LRRC34: variants seen among roughly 807,000 people sequenced by gnomAD.
LRRC34 encodes leucine-rich repeat-containing protein 34.
In LRRC34, 44 loss-of-function variants were observed where a neutral mutation model predicts 48.5. The ratio of observed to expected loss-of-function variants is 0.91; its 90% CI spans 0.71 to 1.17. The LOEUF is 1.17. Ranked by LOEUF, LRRC34 falls within the 50% of genes most tolerant of loss-of-function variation. LRRC34 has a pLI of 0.00. For synonymous variants in LRRC34, 192 were observed against 197.6 expected (o/e 0.97, Z 0.24); for missense variants, 502 against 563.0 (o/e 0.89, Z 1.10).
chr3:169,808,651 T>G lies in LRRC34; in HGVS notation c.234A>C (p.Glu78Asp). 1.3e-6 allele frequency: 2 copies of G among 1,542,194 alleles called. No homozygotes were observed. The highest frequency in any genetic ancestry group is 4.5e-5 in the East Asian group (2 of 44,368). Reference protein sequence around the residue: ...INPFILHILQEVDEEIKKGLA... With the variant: ...INPFILHILQDVDEEIKKGLA... ...ACCCCTTTTTAATTTCTTCATCCACTTCTTGGAGTATATGCAATATAAAAG... is the reference window on the plus strand; with the variant it reads ...ACCCCTTTTTAATTTCTTCATCCACGTCTTGGAGTATATGCAATATAAAAG... Residue 78 changes from glutamate to aspartate, a missense_variant, in exon 2 of 11, where the codon GAA becomes GAC. By Grantham distance (45) the Glu-to-Asp change is conservative. Coordinates refer to ENST00000446859, the MANE Select transcript of LRRC34 (RefSeq NM_001172779.2).
intron 2 of LRRC34, 132 bp from the exon 3 acceptor site, chr3:169,807,841 A>T (rs1779436429): frequency 9.2e-7 from 1 of 1,083,172 alleles, no homozygotes; most frequent in African/African-American, 1.6e-5. Context: ...CAAGCATATA[A>T]TAAGTAGACT....
At chr3:169,804,946 C>G (rs1424532582) in intron 5 of LRRC34, among the ~76,000 whole-genome samples, 2 of 152,202 alleles carry the variant, frequency 1.3e-5, no homozygotes, top group Admixed American at 1.3e-4. Context: ...ATTAACCAGT[C>G]ACTCCCCATT....
At chr3:169,797,417 T>C (rs1172853967) in intron 7 of LRRC34, among the ~76,000 whole-genome samples, 1 of 152,162 alleles carries the variant, frequency 6.6e-6, no homozygotes, top group Admixed American at 6.5e-5. Flanking sequence ...TTTATATTCA[T>C]CTCAAATTCC....
rs772936806 is a variant in LRRC34, at chr3:169,808,591, A to C, written c.257+37T>G. The C allele has an allele frequency of 3.2e-5, 35 of 1,092,566 alleles. No individual in the cohort carries two copies. In the South Asian group the frequency reaches 4.8e-4, roughly 15 times the overall value. The allele number at this position is 1,092,566 out of a possible 1,614,324, so 67.7% of individuals were successfully genotyped here. ...ATTTTCACACACATGAATATAAGCA[A>C]ACACTATTAATGTAATCAAGTATTT... On this transcript the variant is annotated intron_variant, in intron 2 of 10. Transcript: ENST00000446859.
In LRRC34 at chr3:169,812,362, C is replaced by G; in HGVS notation, c.139+48G>C. On this transcript the variant is annotated intron_variant, in intron 1 of 10. Coordinates refer to ENST00000446859, the MANE Select transcript of LRRC34 (RefSeq NM_001172779.2). The surrounding 1 kb of genome is among the most constrained non-coding windows in gnomAD (Gnocchi z 4.3). ...TGCCGTGCGACCCCGGCGCCCCTCG[C>G]GCGTTTTGTCTGGGCCAGGCCGCGC... 1.3e-6 allele frequency: 2 copies of G among 1,489,722 alleles called. No homozygotes were observed. Among genetic ancestry groups the G allele is most frequent in the South Asian group, 1.3e-5 (1 of 79,256 alleles). The allele number at this position is 1,489,722 out of a possible 1,614,324, so 92.3% of individuals were successfully genotyped here. A position where few individuals can be genotyped will look rare whatever the true frequency, so the allele number is the denominator to read the frequency against.
chr3:169,807,816 A>T (rs566522250), intron 2 of LRRC34, 107 bp from the exon 3 acceptor site: 6 of 1,259,590 alleles, frequency 4.8e-6, no homozygotes, highest in Non-Finnish European at 6.4e-6. Context: ...TATCACAGAT[A>T]TCATTTACTG....
chr3:169,794,736 A>G (rs1287715822), intron 10 of LRRC34: 1 of 152,234 alleles, frequency 6.6e-6, no homozygotes. Context: ...AGTCATACAA[A>G]TACGTTGAAC....
Position 169,812,465 on chromosome 3 carries a change from CGG to C in LRRC34, c.82_83del (p.Pro28GlyfsTer31). ...REAARAPARS[P>X]AWASTQASTP... ...TACTGGCCTGAGTGGAGGCCCAAGC[CGG>C]GGACCTGGCCGGCGCACGGGCGGCC... On this transcript the variant is annotated frameshift_variant, in exon 1 of 11. Coordinates refer to ENST00000446859, the MANE Select transcript of LRRC34 (RefSeq NM_001172779.2). LOFTEE classifies it high-confidence loss of function. The surrounding 1 kb of genome is among the most constrained non-coding windows in gnomAD (Gnocchi z 4.3). 6.5e-7 allele frequency: 1 copy of C among 1,530,526 alleles called. No individual in the cohort carries two copies. Among genetic ancestry groups the C allele is most frequent in the East Asian group, 2.5e-5 (1 of 39,958 alleles). 94.8% of individuals were successfully genotyped at this position (1,530,526 alleles called of 1,614,324 possible). A position where few individuals can be genotyped will look rare whatever the true frequency, so the allele number is the denominator to read the frequency against.
intron 4 of LRRC34, 75 bp downstream of exon 4, chr3:169,807,351 G>A (rs1779413377): frequency 7.3e-7 from 1 of 1,361,886 alleles, no homozygotes. Flanking sequence ...TAAAACTAGT[G>A]TTTTATGTGT....
chr3:169,793,555 TAAAAG>T lies in LRRC34; in HGVS notation c.*75_*79del, dbSNP rs149165437. The T allele has an allele frequency of 0.011, 11,372 of 1,036,370 alleles. 248 individuals carry two copies. Among genetic ancestry groups the T allele is most frequent in the African/African-American group, 0.063 (3,897 of 61,494 alleles). 64.2% of individuals were successfully genotyped at this position (1,036,370 alleles called of 1,614,324 possible). On this transcript the variant is annotated 3_prime_UTR_variant, in exon 11 of 11. Transcript: ENST00000446859. ...GAAAAAAGTAACTTGTTTTAATTTA[TAAAAG>T]AAAATAGGCTATAGAATATTAATCT...
At position 169,793,344 on chromosome 3, in the gene LRRC34, G is replaced by A. The variant is rs557890325; in HGVS notation, c.*291C>T. On this transcript the variant is annotated 3_prime_UTR_variant, in exon 11 of 11. Coordinates refer to ENST00000446859, the MANE Select transcript of LRRC34 (RefSeq NM_001172779.2). ...TACCTACAATGACCTTTACTTGTAC[G>A]CTATTTCACTACTTGGTTATATTTT... The A allele has an allele frequency of 2.0e-4, 47 of 229,492 alleles. No individual in the cohort carries two copies. Among genetic ancestry groups the A allele is most frequent in the African/African-American group, 9.4e-4 (41 of 43,750 alleles). The allele number at this position is 229,492 out of a possible 1,614,324, so 14.2% of individuals were successfully genotyped here.
intron 7 of LRRC34, among the ~76,000 whole-genome samples, chr3:169,798,944 C>G (rs1283354913): frequency 6.6e-6 from 1 of 152,186 alleles, no homozygotes; most frequent in Non-Finnish European, 1.5e-5. Flanking sequence ...ATTTATTTGA[C>G]TTTAATACCT....
In LRRC34 at chr3:169,812,862, G is replaced by C; in HGVS notation, c.-314C>G. On this transcript the variant is annotated 5_prime_UTR_variant, in exon 1 of 11. Transcript: ENST00000446859. The surrounding 1 kb of genome is among the most constrained non-coding windows in gnomAD (Gnocchi z 4.3). ...CCTACAAAGTGTGCACCGGCCTGCC[G>C]GGCCAGCGAAGAAGCAGAGTAGCAT... The C allele has an allele frequency of 2.9e-6, 1 of 349,680 alleles. No homozygotes were observed. The highest frequency in any genetic ancestry group is 2.1e-5 in the African/African-American group (1 of 46,864). 21.7% of individuals were successfully genotyped at this position (349,680 alleles called of 1,614,324 possible).
At chr3:169,800,824 G>T in intron 6 of LRRC34, 70 bp from the exon 7 acceptor site, 1 of 982,398 alleles carries the variant, frequency 1.0e-6, no homozygotes, top group South Asian at 1.5e-5. Flanking sequence ...AATATTTCAA[G>T]ATCAGCTATC....
At chr3:169,802,475 G>T (rs1779228224) in intron 6 of LRRC34, among the ~76,000 whole-genome samples, 1 of 152,122 alleles carries the variant, frequency 6.6e-6, no homozygotes, top group Non-Finnish European at 1.5e-5. Context: ...CATTATCAGA[G>T]TACTCAGTCA....
chr3:169,811,195 T>C (rs1425784616), intron 1 of LRRC34, among the ~76,000 whole-genome samples: 1 of 152,220 alleles, frequency 6.6e-6, no homozygotes, highest in Non-Finnish European at 1.5e-5. Context: ...CCACTGGGCT[T>C]CTTTCTTCCC....
At chr3:169,799,950 T>A (rs956875642) in intron 7 of LRRC34, among the ~76,000 whole-genome samples, 1 of 152,094 alleles carries the variant, frequency 6.6e-6, no homozygotes, top group Admixed American at 6.6e-5. Flanking sequence ...TGACCTCAGG[T>A]GATCTGCCTG....
chr3:169,795,785 G>A (rs529768190), intron 9 of LRRC34, 174 bp from the exon 10 acceptor site: 1 of 1,304,706 alleles, frequency 7.7e-7, no homozygotes, highest in African/African-American at 1.5e-5. Flanking sequence ...GATCCTTAAG[G>A]TACTTAGTAG....
Position 169,793,566 on chromosome 3 carries a change from A to T in LRRC34, c.*69T>A. The T allele has an allele frequency of 9.1e-7, 1 of 1,098,280 alleles. No individual in the cohort carries two copies. The highest frequency in any genetic ancestry group is 1.3e-6 in the Non-Finnish European group (1 of 758,598). 68.0% of individuals were successfully genotyped at this position (1,098,280 alleles called of 1,614,324 possible). ...CTTGTTTTAATTTATAAAAGAAAATAGGCTATAGAATATTAATCTCTGTGA... is the reference window on the plus strand; with the variant it reads ...CTTGTTTTAATTTATAAAAGAAAATTGGCTATAGAATATTAATCTCTGTGA... On this transcript the variant is annotated 3_prime_UTR_variant, in exon 11 of 11. Transcript: ENST00000446859.
Sources: allele counts gnomAD v4.1 joint callset (sites outside exome capture counted in the v4.1 genomes callset), GRCh38; gene constraint gnomAD v4.1.1; non-coding constraint Gnocchi (gnomAD v3.1); transcripts MANE v1.5; gene names NCBI Gene and HGNC (gene_info 2026-07-23, HGNC 2026-07-21).